Variants in PAK2 observed in about 807,000 individuals in gnomAD.
The protein encoded by PAK2 is serine/threonine-protein kinase PAK 2.
PAK2 carries 21 observed loss-of-function variants against 65.9 expected under a neutral mutation model. The observed-to-expected ratio is 0.32, with a 90% confidence interval of 0.23 to 0.46. PAK2 has a LOEUF of 0.46. Ranked by LOEUF, PAK2 falls within the 20% of genes least tolerant of loss-of-function variation. The pLI is 1.00. For missense variants in PAK2, 324 were observed against 642.6 expected (o/e 0.50, Z 5.36); for synonymous variants, 204 against 219.7 (o/e 0.93, Z 0.63).
intron 2 of PAK2, among the ~76,000 whole-genome samples, chr3:196,783,544 C>G (rs1185585968): frequency 3.4e-5 from 5 of 148,568 alleles, no homozygotes; most frequent in African/African-American, 1.2e-4. Flanking sequence ...ATCGTGGCAC[C>G]GCACTCCAGC....
intron 13 of PAK2, among the ~76,000 whole-genome samples, chr3:196,823,744 C>G (rs2108775318): frequency 6.6e-6 from 1 of 151,162 alleles, no homozygotes; most frequent in Non-Finnish European, 1.5e-5. Flanking sequence ...CACCTGTATT[C>G]CCAGCTACTC....
intron 1 of PAK2, among the ~76,000 whole-genome samples, chr3:196,774,716 G>A (rs1714480822): frequency 6.6e-6 from 1 of 152,088 alleles, no homozygotes; most frequent in African/African-American, 2.4e-5. Context: ...GTAGGTTATG[G>A]GCAGCTAGTC....
intron 11 of PAK2, among the ~76,000 whole-genome samples, chr3:196,817,282 A>C (rs1307828292): frequency 2.0e-5 from 3 of 148,050 alleles, no homozygotes; most frequent in Non-Finnish European, 4.4e-5. Context: ...CTCCTGCCTC[A>C]GCCACCCAAG....
chr3:196,743,302 G>A (rs534221191), intron 1 of PAK2, among the ~76,000 whole-genome samples: 2 of 152,112 alleles, frequency 1.3e-5, no homozygotes, highest in Non-Finnish European at 2.9e-5. Flanking sequence ...ATCCCATGTG[G>A]TTAGGAGCTA....
chr3:196,741,372 A>C (rs549708990), intron 1 of PAK2, among the ~76,000 whole-genome samples: 1 of 152,342 alleles, frequency 6.6e-6, no homozygotes, highest in African/African-American at 2.4e-5. Context: ...AAAACTTGTC[A>C]ACTTTGCCAG....
At chr3:196,769,491 A>T (rs1472886477) in intron 1 of PAK2, among the ~76,000 whole-genome samples, 1 of 151,838 alleles carries the variant, frequency 6.6e-6, no homozygotes, top group Admixed American at 6.6e-5. Flanking sequence ...ATCCTTTTCC[A>T]GAGCATTTTC....
chr3:196,828,226 AAGT>A (rs1711950281), intron 14 of PAK2, 90 bp from the exon 15 acceptor site: 2 of 717,270 alleles, frequency 2.8e-6, no homozygotes, highest in Non-Finnish European at 5.0e-6. Context: ...TATGATCGAC[AAGT>A]AGTCTTTGGG....
At chr3:196,745,282 ATTTTTTT>A (rs34194625) in intron 1 of PAK2, among the ~76,000 whole-genome samples, 3 of 92,774 alleles carry the variant, frequency 3.2e-5, no homozygotes, top group African/African-American at 9.0e-5. Flanking sequence ...CACCCAACTG[ATTTTTTT>A]TTTTTTTTTT....
At chr3:196,822,849 G>A (rs1451814436) in intron 13 of PAK2, among the ~76,000 whole-genome samples, 1 of 152,210 alleles carries the variant, frequency 6.6e-6, no homozygotes, top group Non-Finnish European at 1.5e-5. Context: ...AAGTGCAAAA[G>A]CTCTAAAGCA....
chr3:196,766,425 T>C (rs1189966898), intron 1 of PAK2, among the ~76,000 whole-genome samples: 1 of 152,204 alleles, frequency 6.6e-6, no homozygotes, highest in African/African-American at 2.4e-5. Flanking sequence ...TCTCTAAAGA[T>C]GTAAGAACAG....
rs555231689 is a variant in PAK2, at chr3:196,791,856, G to A, written c.187+9023G>A. Among the ~76,000 whole-genome samples, 40 of 152,080 alleles carry A rather than the reference G, an allele frequency of 2.6e-4. No individual in the cohort carries two copies. The East Asian group carries it at 3.3e-3, about 12-fold the overall frequency. On this transcript the variant is annotated intron_variant, in intron 2 of 14. Coordinates refer to ENST00000327134, the MANE Select transcript of PAK2 (RefSeq NM_002577.4). This position sits in a 1 kb window ranked among gnomAD's most constrained non-coding sequence, Gnocchi z 4.0. ...GGAGAATGGCGGGAACCCAGGAGGC[G>A]GAGCTTGCAGTGGAGCTGTGATCGC...
At chr3:196,745,627 A>T (rs980255162) in intron 1 of PAK2, among the ~76,000 whole-genome samples, 1 of 152,102 alleles carries the variant, frequency 6.6e-6, no homozygotes, top group Non-Finnish European at 1.5e-5. Flanking sequence ...AGCCTAACCA[A>T]CGTGGTGAAA....
chr3:196,825,396 C>T (rs1453318777), intron 13 of PAK2, among the ~76,000 whole-genome samples: 2 of 151,510 alleles, frequency 1.3e-5, no homozygotes, highest in Non-Finnish European at 2.9e-5. Flanking sequence ...GTAATCCCAG[C>T]ACTTTGGGAG....
chr3:196,745,997 TTTTC>T (rs1418891566), intron 1 of PAK2, among the ~76,000 whole-genome samples: 1 of 151,982 alleles, frequency 6.6e-6, no homozygotes, highest in African/African-American at 2.4e-5. Flanking sequence ...TTTTTTTTCT[TTTTC>T]TTTCTTTTTT....
At chr3:196,740,687 A>G (rs955944613) in intron 1 of PAK2, among the ~76,000 whole-genome samples, 6 of 152,144 alleles carry the variant, frequency 3.9e-5, no homozygotes, top group African/African-American at 1.4e-4. Context: ...CACATTGGTA[A>G]AAACGTAGAG....
rs548103732 is a variant in PAK2 at position 196,790,304 on chromosome 3, A to G, written c.187+7471A>G. 2.6e-5 allele frequency among the ~76,000 whole-genome samples: 4 copies of G among 152,158 alleles called. No individual in the cohort carries two copies. The South Asian group carries it at 8.3e-4, about 32-fold the overall frequency. The stretch of plus-strand genomic sequence containing the variant: ...TTTCAGTACCTTTTGTCAACATGTG[A>G]CTCAGGGTCTCTGCCTCTTGGCTGA... On this transcript the variant is annotated intron_variant, in intron 2 of 14. Transcript: ENST00000327134.
intron 1 of PAK2, among the ~76,000 whole-genome samples, chr3:196,769,637 C>A (rs1205874616): frequency 9.6e-6 from 1 of 104,102 alleles, no homozygotes. Context: ...CGGTGAAACC[C>A]CGTCTCTCCT....
intron 13 of PAK2, among the ~76,000 whole-genome samples, chr3:196,822,611 G>A (rs759063869): frequency 6.6e-6 from 1 of 152,034 alleles, no homozygotes; most frequent in Non-Finnish European, 1.5e-5. Flanking sequence ...CAGTGCGTGG[G>A]TCACTTGGGC....
chr3:196,749,033 A>G (rs1272340947), intron 1 of PAK2, among the ~76,000 whole-genome samples: 1 of 151,316 alleles, frequency 6.6e-6, no homozygotes, highest in Non-Finnish European at 1.5e-5. Context: ...GACTTATTTC[A>G]CTTATCCTCA....
Sources: allele counts gnomAD v4.1 joint callset (sites outside exome capture counted in the v4.1 genomes callset), GRCh38; gene constraint gnomAD v4.1.1; non-coding constraint Gnocchi (gnomAD v3.1); transcripts MANE v1.5; gene names NCBI Gene and HGNC (gene_info 2026-07-23, HGNC 2026-07-21).